The following NAV2 variants were observed in gnomAD, a reference collection of about 807,000 sequenced individuals.
NAV2 encodes neuron navigator 2, also known as helicase, APC down-regulated 1.
NAV2 carries 54 observed loss-of-function variants against 223.2 expected under a neutral mutation model. That is an observed-to-expected ratio of 0.24 (90% CI 0.19 to 0.30). The LOEUF is 0.30. NAV2 is among the 10% of genes least tolerant of loss of function. The pLI, the probability that NAV2 is intolerant of heterozygous loss-of-function variation, is 1.00. For missense variants in NAV2, 2,806 were observed against 3,147.5 expected, an observed-to-expected ratio of 0.89 and a Z score of 2.60; for synonymous variants, 1,279 against 1,239.3, an observed-to-expected ratio of 1.03 and a Z score of -0.67.
In NAV2 at chr11:19,620,912, CTTA is replaced by C. The variant is rs2046973214; in HGVS notation, c.76-211566_76-211564del. Among the ~76,000 whole-genome samples, 5 of 152,230 alleles carry C rather than the reference CTTA, an allele frequency of 3.3e-5. No individual in the cohort carries two copies. In the South Asian group the frequency reaches 1.0e-3, roughly 32 times the overall value. ...GGCTGTGGGTTTGTCATAAATAGCTCTTATTATTTTGAGATACATCCCATTAAT... is the reference window on the plus strand; with the variant it reads ...GGCTGTGGGTTTGTCATAAATAGCTCTTATTTTGAGATACATCCCATTAAT... On this transcript the variant is annotated intron_variant, in intron 1 of 37. Coordinates refer to the NAV2 transcript ENST00000360655.
intron 10 of NAV2, among the ~76,000 whole-genome samples, chr11:19,971,722 T>C (rs775692752): frequency 2.0e-5 from 3 of 152,238 alleles, no homozygotes; most frequent in Non-Finnish European, 2.9e-5. Flanking sequence ...TTTTTCTGTT[T>C]TGAGACAGTC....
intron 25 of NAV2, chr11:20,082,700 G>C (rs2060167406): frequency 5.7e-6 from 7 of 1,229,904 alleles, no homozygotes; most frequent in Non-Finnish European, 8.4e-6. Context: ...ATCCTGCTTT[G>C]TTGCTGTGTA....
At chr11:19,522,900 C>T (rs2043712440) in intron 1 of NAV2, among the ~76,000 whole-genome samples, 4 of 152,222 alleles carry the variant, frequency 2.6e-5, no homozygotes, top group Admixed American at 6.5e-5. Context: ...AACCTACCTC[C>T]GGGGTCTTAC....
intron 1 of NAV2, among the ~76,000 whole-genome samples, chr11:19,720,464 G>A (rs1313136841): frequency 6.6e-6 from 1 of 152,046 alleles, no homozygotes; most frequent in East Asian, 1.9e-4. Flanking sequence ...AGAATATTTT[G>A]CCTCTTCTTC....
intron 1 of NAV2, among the ~76,000 whole-genome samples, chr11:19,411,126 A>C (rs1850127122): frequency 6.6e-6 from 1 of 151,870 alleles, no homozygotes; most frequent in African/African-American, 2.4e-5. Context: ...GCTTGACCCC[A>C]CCCCCAGAGT....
At chr11:19,417,500 T>G (rs1850425269) in intron 1 of NAV2, among the ~76,000 whole-genome samples, 1 of 152,142 alleles carries the variant, frequency 6.6e-6, no homozygotes, top group African/African-American at 2.4e-5. Flanking sequence ...GTTGGTGGGA[T>G]TGTAAATTAG....
chr11:19,382,598 G>T (rs1312161650), intron 1 of NAV2, among the ~76,000 whole-genome samples: 1 of 152,144 alleles, frequency 6.6e-6, no homozygotes, highest in African/African-American at 2.4e-5. Flanking sequence ...AGGAAACTGC[G>T]GCCCGAAGTC....
intron 11 of NAV2, among the ~76,000 whole-genome samples, chr11:20,023,538 G>C (rs1275696400): frequency 6.6e-6 from 1 of 152,166 alleles, no homozygotes; most frequent in African/African-American, 2.4e-5. Flanking sequence ...CAGCTGGTGG[G>C]GGCAGTACAG....
chr11:19,827,206 G>A (rs2059683957), intron 1 of NAV2, among the ~76,000 whole-genome samples: 1 of 152,196 alleles, frequency 6.6e-6, no homozygotes, highest in Non-Finnish European at 1.5e-5. Context: ...CATGTGGTAT[G>A]TGTAGGTGTA....
At chr11:19,568,052 G>A (rs150263509) in intron 1 of NAV2, among the ~76,000 whole-genome samples, 181 of 152,354 alleles carry the variant, frequency 1.2e-3, no homozygotes, top group Non-Finnish European at 1.7e-3. Context: ...CTGATGCAGC[G>A]CCTGGCTCAC....
At chr11:19,741,497 C>T (rs77807501) in intron 1 of NAV2, among the ~76,000 whole-genome samples, 3,593 of 114,824 alleles carry the variant, frequency 0.031, 187 homozygotes, top group African/African-American at 0.12. Context: ...TTCTTTCTTT[C>T]TTTTTTTTTT....
intron 1 of NAV2, among the ~76,000 whole-genome samples, chr11:19,776,869 C>T (rs772591958): frequency 6.6e-6 from 1 of 152,044 alleles, no homozygotes; most frequent in Non-Finnish European, 1.5e-5. Context: ...ATGAACTGCG[C>T]TCCACAGCCC....
At chr11:19,610,782 A>G (rs1590672935) in intron 1 of NAV2, among the ~76,000 whole-genome samples, 1 of 151,740 alleles carries the variant, frequency 6.6e-6, no homozygotes, top group South Asian at 2.1e-4. Flanking sequence ...AAGTGGATGG[A>G]CAGATGGATG....
chr11:19,934,309 G>A (rs755212863), intron 7 of NAV2, 32 bp downstream of exon 7: 1 of 1,526,948 alleles, frequency 6.5e-7, no homozygotes, highest in South Asian at 1.3e-5. Flanking sequence ...TGCTGCCTGG[G>A]ACATTGGGTA....
intron 1 of NAV2, among the ~76,000 whole-genome samples, chr11:19,573,707 C>G (rs2134931775): frequency 6.6e-6 from 1 of 152,318 alleles, no homozygotes; most frequent in Non-Finnish European, 1.5e-5. Flanking sequence ...GAGGACTGTG[C>G]TTTCTTCTCC....
intron 1 of NAV2, among the ~76,000 whole-genome samples, chr11:19,737,685 G>A (rs553381517): frequency 7.9e-5 from 12 of 152,322 alleles, no homozygotes; most frequent in East Asian, 3.9e-4. Flanking sequence ...GTTCTTACCC[G>A]ACAGGGTGCT....
rs148917114 is a variant in NAV2 at position 19,811,601 on chromosome 11, T to C, written c.268-20883T>C. On this transcript the variant is annotated intron_variant, in intron 1 of 37. Coordinates refer to ENST00000349880, the MANE Select transcript of NAV2 (RefSeq NM_145117.5). ...ATTTAGCCTTTTACAGGAAATCTAA[T>C]TGCCAACCTTGTGGTGCCAAGGTTT... Among the ~76,000 whole-genome samples the C allele has an allele frequency of 4.6e-3, 701 of 152,298 alleles. 9 individuals are homozygous for C. Among genetic ancestry groups the C allele is most frequent in the African/African-American group, 0.016 (662 of 41,554 alleles).
In NAV2 at chr11:20,114,699, A is replaced by T; in HGVS notation, c.7068A>T (p.Leu2356Phe). The change falls in exon 37 of 38, where the codon TTA (leucine) becomes TTT (phenylalanine). Residue 2356 changes from leucine (L) to phenylalanine (F), a missense_variant. This residue lies in a region of NAV2 where 824 missense variants were observed against 1,069.4 expected (regional missense o/e 0.77). Transcript: ENST00000349880. ...QQHEWPPLLQ[L>F]RPEDVGFDGY... Reference sequence around the variant, plus strand: ...ACGAGTGGCCTCCCCTGCTGCAGTTACGGCCTGAGGATGTCGGCTTCGACG... The same window carrying T: ...ACGAGTGGCCTCCCCTGCTGCAGTTTCGGCCTGAGGATGTCGGCTTCGACG... 6.2e-7 allele frequency: 1 copy of T among 1,614,164 alleles called. No individual in the cohort carries two copies. Among genetic ancestry groups the T allele is most frequent in the Non-Finnish European group, 8.5e-7 (1 of 1,180,016 alleles).
intron 1 of NAV2, among the ~76,000 whole-genome samples, chr11:19,394,851 C>T (rs753969281): frequency 2.6e-5 from 4 of 152,100 alleles, no homozygotes; most frequent in South Asian, 2.1e-4. Flanking sequence ...AGGGCTGCAG[C>T]GCATGTTCAG....
Sources: gnomAD v4.1 joint callset for allele counts (sites outside exome capture counted in the v4.1 genomes callset) on GRCh38, gnomAD v4.1.1 for gene constraint, gnomAD v4.1.1 regional missense constraint, MANE v1.5 for transcripts, NCBI Gene and HGNC (gene_info 2026-07-23, HGNC 2026-07-21) for gene names.